The following RYR1 variants were observed in gnomAD, a reference collection of about 807,000 sequenced individuals.
RYR1 encodes the protein central core disease of muscle.
RYR1 carries 342 observed loss-of-function variants against 583.5 expected under a neutral mutation model. That is an observed-to-expected ratio of 0.59 (90% CI 0.54 to 0.64). The LOEUF is 0.64. Ranked by LOEUF, RYR1 falls within the 30% of genes least tolerant of loss-of-function variation. The probability of loss-of-function intolerance (pLI) is 0.00; values close to 1 mark genes in which losing one functional copy is unlikely to be tolerated. For synonymous variants in RYR1, 2,791 were observed against 2,822.5 expected (o/e 0.99, Z 0.35); for missense variants, 6,032 against 6,917.2 (o/e 0.87, Z 4.54).
chr19:38,452,628 C>T (rs543562581), intron 12 of RYR1, among the ~76,000 whole-genome samples, 191 bp from the exon 13 acceptor site: 8 of 152,164 alleles, frequency 5.3e-5, no homozygotes, highest in African/African-American at 1.7e-4. Context: ...TACACAGGAG[C>T]GAGTCCCAGT....
intron 96 of RYR1, among the ~76,000 whole-genome samples, chr19:38,574,422 A>G (rs938678772): frequency 4.0e-5 from 6 of 151,478 alleles, no homozygotes; most frequent in African/African-American, 1.5e-4. Context: ...GTTCAAGACC[A>G]GCCTGGACAA....
At chr19:38,486,277 A>C (rs550037323) in intron 34 of RYR1, 75 bp downstream of exon 34, 1 of 1,574,852 alleles carries the variant, frequency 6.3e-7, no homozygotes, top group Admixed American at 1.7e-5. Flanking sequence ...ACATGCATCA[A>C]TCCTCCTCTA....
At position 38,502,375 on chromosome 19, in the gene RYR1, T is replaced by TA; in HGVS notation, c.7615-131dup. On this transcript the variant is annotated intron_variant, in intron 47 of 105. Transcript: ENST00000359596. The stretch of plus-strand genomic sequence containing the variant: ...TGGGCATAGGGTGGGAGGAGGGTGG[T>TA]AGAGATTGGGAGGAGCAGGTTTTGG... The TA allele has an allele frequency of 3.7e-6, 3 of 803,626 alleles. No homozygotes were observed. The South Asian group carries it at 4.5e-5, about 12-fold the overall frequency. The allele number at this position is 803,626 out of a possible 1,614,324, so 49.8% of individuals were successfully genotyped here. A position where few individuals can be genotyped will look rare whatever the true frequency, so the allele number is the denominator to read the frequency against.
intron 34 of RYR1, among the ~76,000 whole-genome samples, chr19:38,487,512 C>T (rs1349298547): frequency 1.3e-5 from 2 of 152,094 alleles, no homozygotes; most frequent in East Asian, 3.9e-4. Flanking sequence ...CGCCACCATG[C>T]CCGGCTAATT....
chr19:38,572,554 C>A (rs1973770115), intron 95 of RYR1, among the ~76,000 whole-genome samples: 1 of 152,136 alleles, frequency 6.6e-6, no homozygotes, highest in Non-Finnish European at 1.5e-5. Flanking sequence ...AACTAGAGTT[C>A]TTTGGGCTTA....
Position 38,543,902 on chromosome 19 carries a change from C to T in RYR1, c.12012+27C>T. 6.2e-7 allele frequency: 1 copy of T among 1,604,568 alleles called. No homozygotes were observed. Among genetic ancestry groups the T allele is most frequent in the Non-Finnish European group, 8.5e-7 (1 of 1,175,044 alleles). The stretch of plus-strand genomic sequence containing the variant: ...TTCGAGCCCCTCTGGTCTCCATCCA[C>T]CTGCTTCCGGGCGTCCCCCAAGTGG... On this transcript the variant is annotated intron_variant, in intron 87 of 105. Coordinates refer to ENST00000359596, the MANE Select transcript of RYR1 (RefSeq NM_000540.3). This position sits in a 1 kb window ranked among gnomAD's most constrained non-coding sequence, Gnocchi z 4.4.
chr19:38,502,600 G>A lies in RYR1; in HGVS notation c.7708G>A (p.Ala2570Thr), dbSNP rs1433572435. Residue 2570 changes from alanine (A) to threonine (T), a missense_variant, in exon 48 of 106, where the codon GCG becomes ACG. This residue lies in a region of RYR1 where 250 missense variants were observed against 162.3 expected (regional missense o/e 1.54). Transcript: ENST00000359596. The stretch of plus-strand genomic sequence containing the variant: ...CATCACCAAGTGTGCGCCGCTCTTT[G>A]CGGGCACAGAACACCGCGCCATCAT... The part of the protein sequence containing the change: ...PLITKCAPLF[A>T]GTEHRAIMVD... 1.9e-6 allele frequency: 3 copies of A among 1,612,738 alleles called. No homozygotes were observed. The highest frequency in any genetic ancestry group is 2.7e-5 in the African/African-American group (2 of 74,798).
At chr19:38,458,945 A>C (rs1407796252) in intron 18 of RYR1, among the ~76,000 whole-genome samples, 1 of 152,158 alleles carries the variant, frequency 6.6e-6, no homozygotes, top group African/African-American at 2.4e-5. Flanking sequence ...CTCTGGCCCC[A>C]CAGCTCAGAA....
At position 38,490,519 on chromosome 19, in the gene RYR1, A is replaced by C. The variant is rs1464605657; in HGVS notation, c.6016-102A>C. ...TCTTCATTAACTCACACTTCGACTC[A>C]TGACCTTAGACATGGACTAACAATT... is the stretch of plus-strand genomic sequence containing the variant. On this transcript the variant is annotated intron_variant, in intron 36 of 105. Transcript: ENST00000359596. 4.6e-6 allele frequency: 4 copies of C among 861,038 alleles called. No homozygotes were observed. In the African/African-American group the frequency reaches 6.7e-5, roughly 14 times the overall value. The allele number at this position is 861,038 out of a possible 1,614,324, so 53.3% of individuals were successfully genotyped here. A position where few individuals can be genotyped will look rare whatever the true frequency, so the allele number is the denominator to read the frequency against.
At chr19:38,452,024 C>A in intron 12 of RYR1, 139 bp downstream of exon 12, 1 of 1,208,556 alleles carries the variant, frequency 8.3e-7, no homozygotes, top group Non-Finnish European at 1.2e-6. Context: ...CGCAGTGGCT[C>A]ACACCTGTAA....
chr19:38,463,558 C>T lies in RYR1; in HGVS notation c.2682+31C>T, dbSNP rs112545072. ...GGGCTGCCTGCAGCCTGCGGGAGGC[C>T]GGCTAGACTTGCGGTGCCAGGAGGG... On this transcript the variant is annotated intron_variant, in intron 21 of 105. Transcript: ENST00000359596. The T allele has an allele frequency of 8.1e-4, 1,295 of 1,597,264 alleles. 10 individuals are homozygous for T. In the African/African-American group the frequency reaches 0.013, roughly 16 times the overall value.
intron 89 of RYR1, among the ~76,000 whole-genome samples, chr19:38,553,521 G>C (rs1972755422): frequency 1.3e-5 from 2 of 151,718 alleles, no homozygotes; most frequent in Non-Finnish European, 2.9e-5. Context: ...GTGGAGGTGT[G>C]CACCTGTAGT....
In RYR1 at chr19:38,526,176, G is replaced by A. The variant is rs554982741; in HGVS notation, c.10626+674G>A. 3.3e-5 allele frequency among the ~76,000 whole-genome samples: 5 copies of A among 152,076 alleles called. No homozygotes were observed. In the South Asian group the frequency reaches 1.0e-3, roughly 32 times the overall value. ...TCCTGGAGACCAAAATACCCGGGCT[G>A]TAGAACCTCTTAAGCTTGCTGGGAT... On this transcript the variant is annotated intron_variant, in intron 71 of 105. Transcript: ENST00000359596.
rs747718728 is a variant in RYR1 at position 38,477,860 on chromosome 19, G to A, written c.4444G>A (p.Val1482Ile). 36 of 1,604,302 alleles carry A rather than the reference G, an allele frequency of 2.2e-5. No individual in the cohort carries two copies. The highest frequency in any genetic ancestry group is 1.8e-4 in the Admixed American group (11 of 59,630). Reference sequence around the variant, plus strand: ...GACCATGGGGGATGAACAAGGCAACGTCCACAGCAGGTGCCGGGGCTGGGG... The same window carrying A: ...GACCATGGGGGATGAACAAGGCAACATCCACAGCAGGTGCCGGGGCTGGGG... ...TVTMGDEQGN[V>I]HSSLKCSNCY... The change falls in exon 30 of 106, where the codon GTC (valine) becomes ATC (isoleucine). Residue 1482 changes from valine to isoleucine, a missense_variant. By Grantham distance (29) the Val-to-Ile change is conservative. Around this residue, in one of 11 missense-constraint regions of RYR1, gnomAD observed 2,627 missense variants for 2,961.3 expected, o/e 0.89. Coordinates refer to ENST00000359596, the MANE Select transcript of RYR1 (RefSeq NM_000540.3).
intron 101 of RYR1, 135 bp from the exon 102 acceptor site, chr19:38,584,808 C>G: frequency 3.0e-6 from 3 of 988,802 alleles, no homozygotes; most frequent in Admixed American, 4.0e-5. Context: ...GATGCCGTAT[C>G]TGTGAGCCCT....
chr19:38,564,650 G>A (rs1440775853), intron 90 of RYR1, among the ~76,000 whole-genome samples: 1 of 151,882 alleles, frequency 6.6e-6, no homozygotes, highest in African/African-American at 2.4e-5. Context: ...CCCGAGTAAC[G>A]GATTACAGGG....
At chr19:38,468,550 C>T (rs1968248652) in intron 25 of RYR1, among the ~76,000 whole-genome samples, 1 of 152,212 alleles carries the variant, frequency 6.6e-6, no homozygotes, top group Non-Finnish European at 1.5e-5. Context: ...CCCAATTTCT[C>T]ATCCATCTAT....
intron 33 of RYR1, among the ~76,000 whole-genome samples, chr19:38,485,266 C>G (rs191975885): frequency 6.6e-6 from 1 of 152,234 alleles, no homozygotes; most frequent in African/African-American, 2.4e-5. Flanking sequence ...GCCCCCAGAT[C>G]CCTTAGGGAC....
chr19:38,478,415 A>G lies in RYR1; in HGVS notation c.4455-20A>G, dbSNP rs1600746335. The G allele has an allele frequency of 6.2e-7, 1 of 1,611,502 alleles. No individual in the cohort carries two copies. The highest frequency in any genetic ancestry group is 8.5e-7 in the Non-Finnish European group (1 of 1,179,876). On this transcript the variant is annotated intron_variant, in intron 30 of 105. Transcript: ENST00000359596. Reference sequence around the variant, plus strand: ...AGCTACTCACATGAGGAGTGCAGTGACCGCTTCTGTCTCCTGCAGCCTCAA... The same window carrying G: ...AGCTACTCACATGAGGAGTGCAGTGGCCGCTTCTGTCTCCTGCAGCCTCAA...
Sources: allele counts gnomAD v4.1 joint callset (sites outside exome capture counted in the v4.1 genomes callset), GRCh38; gene constraint gnomAD v4.1.1; regional missense constraint gnomAD v4.1.1; non-coding constraint Gnocchi (gnomAD v3.1); transcripts MANE v1.5; gene names NCBI Gene and HGNC (gene_info 2026-07-23, HGNC 2026-07-21).